Variants in DDC observed in about 807,000 individuals in gnomAD.
DDC encodes dopa decarboxylase.
Under a neutral mutation model 60.0 loss-of-function variants are expected in DDC, and 43 were observed. The observed-to-expected ratio is 0.72, with a 90% CI of 0.56 to 0.92. DDC has a LOEUF of 0.92. DDC is among the 40% of genes least tolerant of loss of function. The pLI, the probability that DDC is intolerant of heterozygous loss-of-function variation, is 0.00. For missense variants in DDC, 573 were observed against 620.2 expected (o/e 0.92, Z 0.81); for synonymous variants, 232 against 234.6 (o/e 0.99, Z 0.10).
At chr7:50,477,927 C>T (rs1229866486) in intron 10 of DDC, among the ~76,000 whole-genome samples, 4 of 152,086 alleles carry the variant, frequency 2.6e-5, no homozygotes, top group Non-Finnish European at 5.9e-5. Flanking sequence ...CGACGCCAGG[C>T]GTGGTGGCTC....
chr7:50,462,226 C>CAAAAAAAGAA (rs2042290412), intron 14 of DDC, among the ~76,000 whole-genome samples: 1 of 75,380 alleles, frequency 1.3e-5, no homozygotes, highest in African/African-American at 5.5e-5. Context: ...GACAAAAAGA[C>CAAAAAAAGAA]AAAAAAAAAA....
chr7:50,478,019 T>A (rs1585154021), intron 10 of DDC, among the ~76,000 whole-genome samples: 1 of 148,924 alleles, frequency 6.7e-6, no homozygotes, highest in African/African-American at 2.5e-5. Context: ...TTTGGCAACA[T>A]GGTGAAACCC....
At chr7:50,504,696 G>GGT (rs919079910) in intron 6 of DDC, among the ~76,000 whole-genome samples, 2 of 151,712 alleles carry the variant, frequency 1.3e-5, no homozygotes, top group African/African-American at 2.4e-5. Context: ...AGTTTGGGGG[G>GGT]GTGTGTGTGT....
chr7:50,477,447 C>T (rs2153535713), intron 10 of DDC: 1 of 443,882 alleles, frequency 2.3e-6, no homozygotes, highest in Non-Finnish European at 4.5e-6. Flanking sequence ...ACATCAGTGT[C>T]CCCTACTTCC....
At chr7:50,463,504 G>C (rs1412741809) in intron 13 of DDC, 73 bp from the exon 14 acceptor site, 10 of 1,315,808 alleles carry the variant, frequency 7.6e-6, no homozygotes, top group Middle Eastern at 1.8e-4. Flanking sequence ...ATGTAGGAAA[G>C]ACAGTGCTTG....
chr7:50,459,929 TG>T (rs1196772104), intron 14 of DDC, among the ~76,000 whole-genome samples: 5 of 115,168 alleles, frequency 4.3e-5, no homozygotes, highest in African/African-American at 1.5e-4. Flanking sequence ...AGGAGGGAGG[TG>T]GGGGGGTCAG....
At chr7:50,461,920 G>C (rs2042282722) in intron 14 of DDC, among the ~76,000 whole-genome samples, 1 of 152,192 alleles carries the variant, frequency 6.6e-6, no homozygotes, top group Admixed American at 6.5e-5. Flanking sequence ...GGCACATTTT[G>C]ACTCAGAAGG....
At chr7:50,459,831 T>A (rs1254644890) in intron 14 of DDC, 1 of 125,092 alleles carries the variant, frequency 8.0e-6, no homozygotes, top group Non-Finnish European at 1.6e-5. Flanking sequence ...GGGAGGGAGG[T>A]GGGGGAATCA....
chr7:50,505,932 C>T (rs62445942), intron 6 of DDC, among the ~76,000 whole-genome samples: 10 of 152,188 alleles, frequency 6.6e-5, no homozygotes, highest in African/African-American at 2.4e-4. Context: ...GAGATGACTG[C>T]CATTAAAAAC....
At chr7:50,544,200 C>T in intron 1 of DDC, 87 bp from the exon 2 acceptor site, 1 of 1,017,632 alleles carries the variant, frequency 9.8e-7, no homozygotes, top group African/African-American at 1.6e-5. Context: ...GGTAGGGACA[C>T]CTGGGCAGTG....
chr7:50,519,741 A>G (rs999754656), intron 6 of DDC, among the ~76,000 whole-genome samples: 1 of 151,904 alleles, frequency 6.6e-6, no homozygotes, highest in Non-Finnish European at 1.5e-5. Context: ...CTTGGGGGGA[A>G]GAGTGGGAGC....
Position 50,528,206 on chromosome 7 carries a change from G to A in DDC, c.645C>T (p.Phe215=), listed in dbSNP as rs766408554. Residue 215 remains phenylalanine (F), a synonymous_variant, in exon 6 of 15, where the codon TTC becomes TTT. Coordinates refer to ENST00000444124, the MANE Select transcript of DDC (RefSeq NM_001082971.2). ...CCTGCAGGGCAGACGCACGCATGGC[G>A]AAGTTGCCATCTGAGGGGATGGCTT... ...KLKAIPSDGN[F]AMRASALQEA... The A allele has an allele frequency of 5.6e-6, 9 of 1,614,128 alleles. No individual in the cohort carries two copies. The highest frequency in any genetic ancestry group is 1.3e-5 in the African/African-American group (1 of 75,052).
At chr7:50,519,258 T>A (rs2043822505) in intron 6 of DDC, among the ~76,000 whole-genome samples, 2 of 152,192 alleles carry the variant, frequency 1.3e-5, no homozygotes, top group South Asian at 4.1e-4. Context: ...TTGGCATGGA[T>A]GTGGTGATCC....
intron 6 of DDC, among the ~76,000 whole-genome samples, chr7:50,521,698 A>C (rs545138515): frequency 6.6e-6 from 1 of 152,236 alleles, no homozygotes; most frequent in East Asian, 1.9e-4. Flanking sequence ...AGTGTTTGAC[A>C]AAATTCAACA....
chr7:50,485,102 T>C (rs1196392892), intron 9 of DDC, among the ~76,000 whole-genome samples: 3 of 152,192 alleles, frequency 2.0e-5, no homozygotes, highest in African/African-American at 7.2e-5. Context: ...ACAAACACTA[T>C]AAAATAATTT....
intron 6 of DDC, among the ~76,000 whole-genome samples, chr7:50,510,639 A>C (rs2043532454): frequency 7.0e-6 from 1 of 143,774 alleles, no homozygotes; most frequent in Non-Finnish European, 1.5e-5. Flanking sequence ...ACTGCACTCC[A>C]GCCTGGGTGA....
chr7:50,520,766 T>C (rs1479280609), intron 6 of DDC, among the ~76,000 whole-genome samples: 8 of 152,094 alleles, frequency 5.3e-5, no homozygotes, highest in Admixed American at 1.3e-4. Flanking sequence ...ATACAAAAAT[T>C]AGCTGGGTAT....
chr7:50,561,436 C>T (rs925064132), intron 1 of DDC, among the ~76,000 whole-genome samples: 18 of 152,150 alleles, frequency 1.2e-4, no homozygotes, highest in African/African-American at 4.3e-4. Flanking sequence ...CACTCTGGGT[C>T]TGCTCCTTCT....
chr7:50,562,492 C>A (rs751424725), intron 1 of DDC, among the ~76,000 whole-genome samples: 26 of 152,250 alleles, frequency 1.7e-4, no homozygotes, highest in Non-Finnish European at 2.5e-4. Flanking sequence ...CAGCCGTGAG[C>A]ATTGGAGGTC....
Sources: gnomAD v4.1 joint callset for allele counts (sites outside exome capture counted in the v4.1 genomes callset) on GRCh38, gnomAD v4.1.1 for gene constraint, MANE v1.5 for transcripts, NCBI Gene and HGNC (gene_info 2026-07-23, HGNC 2026-07-21) for gene names.